The following NGLY1 variants were observed in gnomAD, a reference collection of about 807,000 sequenced individuals.
The protein encoded by NGLY1 is peptide-N(4)-(N-acetyl-beta-glucosaminyl)asparagine amidase.
NGLY1 carries 68 observed loss-of-function variants against 84.6 expected under a neutral mutation model. That is an observed-to-expected ratio of 0.80 (90% CI 0.66 to 0.98). The LOEUF is 0.98. Ranked by LOEUF, NGLY1 falls within the 50% of genes least tolerant of loss-of-function variation. The pLI is 0.00. For missense variants in NGLY1, 779 were observed against 770.2 expected (o/e 1.01, Z -0.14); for synonymous variants, 280 against 275.2 (o/e 1.02, Z -0.17).
chr3:25,741,963 T>C (rs1706171693), intron 4 of NGLY1, among the ~76,000 whole-genome samples: 2 of 152,178 alleles, frequency 1.3e-5, no homozygotes, highest in Admixed American at 1.3e-4. Flanking sequence ...ATCGCGCCAC[T>C]GCACTCCAAT....
chr3:25,778,767 T>C (rs1413477727), intron 1 of NGLY1, 79 bp from the exon 2 acceptor site: 2 of 769,602 alleles, frequency 2.6e-6, no homozygotes, highest in Admixed American at 4.8e-5. Flanking sequence ...TCAACAAACA[T>C]GACCTAGGTA....
chr3:25,772,066 T>C (rs1277190446), intron 2 of NGLY1, among the ~76,000 whole-genome samples: 1 of 152,210 alleles, frequency 6.6e-6, no homozygotes, highest in Non-Finnish European at 1.5e-5. Flanking sequence ...CAGTACTATG[T>C]TGAATAGAAG....
At chr3:25,777,361 C>T (rs1256892825) in intron 2 of NGLY1, among the ~76,000 whole-genome samples, 1 of 147,904 alleles carries the variant, frequency 6.8e-6, no homozygotes, top group East Asian at 2.0e-4. Flanking sequence ...CATCACCGCA[C>T]TCCAGCCTGG....
chr3:25,757,092 T>C (rs1707077837), intron 3 of NGLY1, among the ~76,000 whole-genome samples: 1 of 152,210 alleles, frequency 6.6e-6, no homozygotes, highest in Admixed American at 6.5e-5. Flanking sequence ...CATCTTAGGC[T>C]AGTGCTTGAT....
chr3:25,782,505 G>A (rs1383128675), intron 1 of NGLY1, among the ~76,000 whole-genome samples: 1 of 152,076 alleles, frequency 6.6e-6, no homozygotes, highest in Non-Finnish European at 1.5e-5. Flanking sequence ...AATCAAACTT[G>A]CCTCCCAATT....
At chr3:25,731,466 G>A (rs1039149383) in intron 9 of NGLY1, among the ~76,000 whole-genome samples, 3 of 152,022 alleles carry the variant, frequency 2.0e-5, no homozygotes, top group African/African-American at 7.2e-5. Flanking sequence ...TGTACACAAA[G>A]ATGTCGAAAA....
Position 25,719,490 on chromosome 3 carries a change from C to A in NGLY1, c.1935G>T (p.Leu645Phe), listed in dbSNP as rs1704866337. 1 of 1,613,546 alleles carries A rather than the reference C, an allele frequency of 6.2e-7. No individual in the cohort carries two copies. The highest frequency in any genetic ancestry group is 1.3e-5 in the African/African-American group (1 of 74,872). ...QSLNDHEENC[L>F]EIIIKFSDL ...GGTCACTGAATTTTATAATTATCTC[C>A]AAACAATTTTCTTCATGGTCATTTA... Residue 645 changes from leucine to phenylalanine, a missense_variant, in exon 12 of 12, where the codon TTG (leucine) becomes TTT (phenylalanine). Coordinates refer to ENST00000280700, the MANE Select transcript of NGLY1 (RefSeq NM_018297.4).
intron 2 of NGLY1, among the ~76,000 whole-genome samples, chr3:25,773,942 G>T (rs564542774): frequency 5.9e-5 from 9 of 152,336 alleles, no homozygotes; most frequent in Non-Finnish European, 1.3e-4. Flanking sequence ...ATTAGAGAGT[G>T]TCTGCAAAGA....
At chr3:25,751,710 T>A (rs1324114140) in intron 3 of NGLY1, among the ~76,000 whole-genome samples, 1 of 152,186 alleles carries the variant, frequency 6.6e-6, no homozygotes, top group Non-Finnish European at 1.5e-5. Flanking sequence ...CCAGAGAGGA[T>A]GGTGATGAAA....
intron 7 of NGLY1, chr3:25,734,219 T>C: frequency 1.1e-5 from 4 of 354,828 alleles, no homozygotes. Context: ...GCATGCACCA[T>C]CACGCCTGGC....
At chr3:25,747,410 G>C (rs896239733) in intron 4 of NGLY1, among the ~76,000 whole-genome samples, 2 of 152,182 alleles carry the variant, frequency 1.3e-5, no homozygotes, top group Non-Finnish European at 2.9e-5. Flanking sequence ...TAGCAGGCCT[G>C]TAGCAGAAGT....
chr3:25,759,129 T>C (rs1707181347), intron 3 of NGLY1, among the ~76,000 whole-genome samples: 1 of 152,092 alleles, frequency 6.6e-6, no homozygotes, highest in Admixed American at 6.6e-5. Context: ...TGAGATTCCA[T>C]GGTGAACAGA....
rs1135401728 is a variant in NGLY1 at position 25,733,963 on chromosome 3, C to T, written c.1169G>A (p.Arg390Gln). ...CACCTCTTCATGTTTGCAGGAATAT[C>T]GCCAAGTGACATCAACTACCTGAAA... ...SKDEVVDVTWRYSCKHEEVIA... is the reference protein window; with the variant it reads ...SKDEVVDVTWQYSCKHEEVIA... Residue 390 changes from arginine to glutamine, a missense_variant, in exon 8 of 12, where the codon CGA (arginine) becomes CAA (glutamine). Transcript: ENST00000280700. 1 of 1,613,496 alleles carries T rather than the reference C, an allele frequency of 6.2e-7. No individual in the cohort carries two copies. Among genetic ancestry groups the T allele is most frequent in the Non-Finnish European group, 8.5e-7 (1 of 1,179,660 alleles).
chr3:25,788,828 G>A (rs757788600), intron 1 of NGLY1, among the ~76,000 whole-genome samples: 5 of 152,184 alleles, frequency 3.3e-5, no homozygotes, highest in African/African-American at 4.8e-5. Flanking sequence ...GGCCTGGGAC[G>A]AAGGTCAAAC....
chr3:25,735,977 A>G, intron 7 of NGLY1, 27 bp downstream of exon 7: 1 of 1,560,810 alleles, frequency 6.4e-7, no homozygotes, highest in Non-Finnish European at 8.6e-7. Context: ...TACTTTTGGA[A>G]AAAAGTTTTT....
chr3:25,754,909 C>T (rs1047011873), intron 3 of NGLY1: 62 of 693,808 alleles, frequency 8.9e-5, no homozygotes, highest in South Asian at 2.7e-4. Flanking sequence ...CTCCGGATAA[C>T]GAGTGGCTGG....
chr3:25,745,463 T>C (rs965021897), intron 4 of NGLY1, among the ~76,000 whole-genome samples: 5 of 152,228 alleles, frequency 3.3e-5, no homozygotes, highest in African/African-American at 7.2e-5. Context: ...GTCCAGATAG[T>C]AGGCACCTCA....
chr3:25,744,196 C>G (rs1706302004), intron 4 of NGLY1, among the ~76,000 whole-genome samples: 1 of 152,164 alleles, frequency 6.6e-6, no homozygotes, highest in Non-Finnish European at 1.5e-5. Flanking sequence ...TAGAGGTAGC[C>G]TCATCCATGT....
chr3:25,719,200 TAC>T lies in NGLY1; in HGVS notation c.*258_*259del, dbSNP rs1239310555. On this transcript the variant is annotated 3_prime_UTR_variant, in exon 12 of 12. Transcript: ENST00000280700. The stretch of plus-strand genomic sequence containing the variant: ...ATTATTTAACTTTTAAAACCATACT[TAC>T]AGTTTTAGATTAAAATCCCATATTG... The T allele has an allele frequency of 2.7e-5, 8 of 291,604 alleles. No homozygotes were observed. Among genetic ancestry groups the T allele is most frequent in the South Asian group, 1.4e-4 (1 of 7,236 alleles). The allele number at this position is 291,604 out of a possible 1,614,324, so 18.1% of individuals were successfully genotyped here.
Sources: gnomAD v4.1 joint callset for allele counts (sites outside exome capture counted in the v4.1 genomes callset) on GRCh38, gnomAD v4.1.1 for gene constraint, MANE v1.5 for transcripts, NCBI Gene and HGNC (gene_info 2026-07-23, HGNC 2026-07-21) for gene names.